The following ADAM10 variants were observed in gnomAD, a reference collection of about 807,000 sequenced individuals.
ADAM10 encodes the protein ADAM metallopeptidase domain 10.
In ADAM10, 17 loss-of-function variants were observed where a neutral mutation model predicts 90.1. The observed-to-expected ratio is 0.19, with a 90% CI of 0.13 to 0.28. The LOEUF is 0.28. ADAM10 is among the 10% of genes least tolerant of loss of function. The probability of loss-of-function intolerance (pLI) is 1.00; values close to 1 mark genes in which losing one functional copy is unlikely to be tolerated. For missense variants in ADAM10, 610 were observed against 914.3 expected (o/e 0.67, Z 4.29); for synonymous variants, 310 against 298.6 (o/e 1.04, Z -0.40).
intron 2 of ADAM10, among the ~76,000 whole-genome samples, chr15:58,683,114 T>A (rs901122057): frequency 1.7e-4 from 26 of 152,290 alleles, no homozygotes; most frequent in African/African-American, 6.3e-4. Flanking sequence ...ATAACGTATA[T>A]AAAGTCATAA....
intron 1 of ADAM10, among the ~76,000 whole-genome samples, chr15:58,746,242 A>G (rs1243256665): frequency 6.6e-6 from 1 of 152,202 alleles, no homozygotes; most frequent in African/African-American, 2.4e-5. Context: ...CTCCTAACAC[A>G]GTATTAGACA....
chr15:58,613,989 G>A (rs1296888469), intron 11 of ADAM10, among the ~76,000 whole-genome samples: 1 of 152,142 alleles, frequency 6.6e-6, no homozygotes, highest in African/African-American at 2.4e-5. Context: ...TACAGAAGGA[G>A]AAGAGATTTA....
chr15:58,714,120 T>C (rs1226358763), intron 2 of ADAM10, among the ~76,000 whole-genome samples: 1 of 152,162 alleles, frequency 6.6e-6, no homozygotes, highest in Non-Finnish European at 1.5e-5. Context: ...TTCTTAAGAA[T>C]GGACTTTTGG....
chr15:58,682,173 G>C, intron 3 of ADAM10, 23 bp downstream of exon 3: 1 of 1,608,200 alleles, frequency 6.2e-7, no homozygotes, highest in Non-Finnish European at 8.5e-7. Context: ...GGAAGAAAAG[G>C]GTTCTGTTAA....
At chr15:58,605,343 G>A (rs1008819480) in intron 14 of ADAM10, among the ~76,000 whole-genome samples, 2 of 152,138 alleles carry the variant, frequency 1.3e-5, no homozygotes, top group African/African-American at 4.8e-5. Flanking sequence ...TGAATTTAGC[G>A]TGTGGGGAAA....
intron 1 of ADAM10, chr15:58,749,003 G>A (rs1899885363): frequency 2.5e-6 from 1 of 399,292 alleles, no homozygotes; most frequent in Admixed American, 4.4e-5. Flanking sequence ...TCTCGGCGGC[G>A]GAGAGGACTT....
At chr15:58,640,643 G>C (rs909001031) in intron 8 of ADAM10, 134 bp downstream of exon 8, 9 of 850,754 alleles carry the variant, frequency 1.1e-5, no homozygotes, top group Admixed American at 9.0e-5. Context: ...TATGAGTCTT[G>C]CCTAACTCAA....
chr15:58,649,400 T>C (rs1354915047), intron 5 of ADAM10, among the ~76,000 whole-genome samples: 2 of 152,202 alleles, frequency 1.3e-5, no homozygotes, highest in Non-Finnish European at 2.9e-5. Flanking sequence ...CTTTGTAGTA[T>C]ACAGTCAATA....
chr15:58,647,246 G>GTT (rs1323960397), intron 5 of ADAM10, among the ~76,000 whole-genome samples: 5 of 36,824 alleles, frequency 1.4e-4, no homozygotes, highest in African/African-American at 2.9e-4. Context: ...TAGACACTAA[G>GTT]TATTTTTTTT....
rs1373776191 is a variant in ADAM10 at position 58,693,183 on chromosome 15, C to T, written c.207-10869G>A. ...TCGCCACCTCCCCTTCTCCATGGTA[C>T]ACCTCTGCAGGCATCTTGAAAGGAA... On this transcript the variant is annotated intron_variant, in intron 2 of 15. Coordinates refer to ENST00000260408, the MANE Select transcript of ADAM10 (RefSeq NM_001110.4). The T allele has an allele frequency of 1.4e-5, 10 of 713,864 alleles. No individual in the cohort carries two copies. The Admixed American group carries it at 1.4e-4, about 10-fold the overall frequency. The allele number at this position is 713,864 out of a possible 1,614,324, so 44.2% of individuals were successfully genotyped here. A position where few individuals can be genotyped will look rare whatever the true frequency, so the allele number is the denominator to read the frequency against.
intron 14 of ADAM10, 80 bp downstream of exon 14, chr15:58,610,217 G>T: frequency 8.5e-7 from 1 of 1,183,410 alleles, no homozygotes; most frequent in Non-Finnish European, 1.2e-6. Flanking sequence ...TTGTTTTCTC[G>T]TAACTTTGAT....
At chr15:58,674,975 GTCAAGAGA>G (rs1204963725) in intron 4 of ADAM10, among the ~76,000 whole-genome samples, 2 of 152,192 alleles carry the variant, frequency 1.3e-5, no homozygotes, top group South Asian at 2.1e-4. Flanking sequence ...GGATCACGAG[GTCAAGAGA>G]TCAAGAGATC....
rs548799456 is a variant in ADAM10, at chr15:58,669,129, G to C, written c.485-3932C>G. On this transcript the variant is annotated intron_variant, in intron 4 of 15. Transcript: ENST00000260408. ...AAAAATTATTATATACCAAACAAAG[G>C]GATACAAAAATAAATGACATAGAAC... Among the ~76,000 whole-genome samples the C allele has an allele frequency of 2.0e-3, 302 of 151,986 alleles. 1 individual carries two copies. The highest frequency in any genetic ancestry group is 6.8e-3 in the African/African-American group (283 of 41,456).
At position 58,699,589 on chromosome 15, in the gene ADAM10, G is replaced by A. The variant is rs1346431521; in HGVS notation, c.207-17275C>T. 2.0e-5 allele frequency among the ~76,000 whole-genome samples: 3 copies of A among 151,644 alleles called. 1 individual carries two copies. Among genetic ancestry groups the A allele is most frequent in the Non-Finnish European group, 4.4e-5 (3 of 67,906 alleles). ...GGAGTTTGAGACCAGCCTGAGCAAT[G>A]TGGCAAAACCCTATCTCTACAAAAA... is the stretch of plus-strand genomic sequence containing the variant. On this transcript the variant is annotated intron_variant, in intron 2 of 15. Coordinates refer to ENST00000260408, the MANE Select transcript of ADAM10 (RefSeq NM_001110.4).
chr15:58,622,764 A>C (rs1359957768), intron 10 of ADAM10, among the ~76,000 whole-genome samples: 3 of 152,230 alleles, frequency 2.0e-5, no homozygotes, highest in Non-Finnish European at 2.9e-5. Flanking sequence ...ATTTTTGTCA[A>C]TGGAATTTAA....
At chr15:58,699,278 T>C (rs2032166548) in intron 2 of ADAM10, among the ~76,000 whole-genome samples, 1 of 152,096 alleles carries the variant, frequency 6.6e-6, no homozygotes, top group African/African-American at 2.4e-5. Flanking sequence ...AGACCAACTG[T>C]ACAAGAAATG....
At chr15:58,614,271 T>C (rs1387151438) in intron 11 of ADAM10, among the ~76,000 whole-genome samples, 1 of 151,216 alleles carries the variant, frequency 6.6e-6, no homozygotes, top group African/African-American at 2.4e-5. Flanking sequence ...GGTGATGAAG[T>C]TAAGACTCTG....
At chr15:58,610,221 C>T in intron 14 of ADAM10, 76 bp downstream of exon 14, 3 of 1,242,378 alleles carry the variant, frequency 2.4e-6, no homozygotes, top group Non-Finnish European at 3.5e-6. Context: ...TTTCTCGTAA[C>T]TTTGATGACT....
At position 58,707,391 on chromosome 15, in the gene ADAM10, A is replaced by G. The variant is rs150310014; in HGVS notation, c.206+10186T>C. Reference sequence around the variant, plus strand: ...AGAGCGAGACTCCATCTAAAAAAAAAAAAACAAGAACAAGAAAAAGGAAAA... The same window carrying G: ...AGAGCGAGACTCCATCTAAAAAAAAGAAAACAAGAACAAGAAAAAGGAAAA... On this transcript the variant is annotated intron_variant, in intron 2 of 15. Transcript: ENST00000260408. The G allele has an allele frequency of 8.8e-3, 1,336 of 152,652 alleles. 9 individuals carry two copies. Among genetic ancestry groups the G allele is most frequent in the South Asian group, 0.016 (76 of 4,834 alleles). 9.5% of individuals were successfully genotyped at this position (152,652 alleles called of 1,614,324 possible).
Sources: gnomAD v4.1 joint callset for allele counts (sites outside exome capture counted in the v4.1 genomes callset) on GRCh38, gnomAD v4.1.1 for gene constraint, MANE v1.5 for transcripts, NCBI Gene and HGNC (gene_info 2026-07-23, HGNC 2026-07-21) for gene names.